Variants in ANKRD6 observed in about 807,000 individuals in gnomAD.
ANKRD6 encodes the protein ankyrin repeat domain 6.
Under a neutral mutation model 82.3 loss-of-function variants are expected in ANKRD6, and 56 were observed. The observed-to-expected ratio is 0.68, with a 90% confidence interval of 0.55 to 0.85. The LOEUF (loss-of-function observed/expected upper bound fraction) is 0.85, where lower values mean the gene tolerates loss of function less well. Ranked by LOEUF, ANKRD6 falls within the 40% of genes least tolerant of loss-of-function variation. The pLI, the probability that ANKRD6 is intolerant of heterozygous loss-of-function variation, is 0.00. For synonymous variants in ANKRD6, 347 were observed against 352.1 expected (o/e 0.99, Z 0.16); for missense variants, 852 against 907.6 (o/e 0.94, Z 0.79).
intron 1 of ANKRD6, among the ~76,000 whole-genome samples, chr6:89,453,265 C>G (rs1773072497): frequency 6.6e-6 from 1 of 152,148 alleles, no homozygotes; most frequent in Non-Finnish European, 1.5e-5. Context: ...GTTCTGGAAC[C>G]TTTTAAAATT....
chr6:89,576,153 T>G (rs1374663356), intron 2 of ANKRD6, among the ~76,000 whole-genome samples: 1 of 151,926 alleles, frequency 6.6e-6, no homozygotes, highest in Admixed American at 6.6e-5. Context: ...CTGGGTTCAC[T>G]CCATTCTCCT....
rs186641912 is a variant in ANKRD6, at chr6:89,577,691, C to T, written c.120+10595C>T. On this transcript the variant is annotated intron_variant, in intron 2 of 15. Coordinates refer to ENST00000339746, the MANE Select transcript of ANKRD6 (RefSeq NM_001242809.2). ...AATTAGCTGGGCATGGTGATGCACA[C>T]CTATAGTCCTAGCTACATAGGAGGC... Among the ~76,000 whole-genome samples, 251 of 152,262 alleles carry T rather than the reference C, an allele frequency of 1.6e-3. 1 individual carries two copies. The highest frequency in any genetic ancestry group is 5.8e-3 in the African/African-American group (241 of 41,552).
intron 2 of ANKRD6, among the ~76,000 whole-genome samples, chr6:89,573,084 C>G (rs1246090031): frequency 6.6e-6 from 1 of 152,098 alleles, no homozygotes; most frequent in Non-Finnish European, 1.5e-5. Flanking sequence ...CCTCAGCCTC[C>G]TGAGTAGCTG....
At position 89,446,585 on chromosome 6, in the gene ANKRD6, A is replaced by T. The variant is rs572902239; in HGVS notation, c.-144+13210A>T. Among the ~76,000 whole-genome samples the T allele has an allele frequency of 3.3e-4, 50 of 152,140 alleles. No homozygotes were observed. The South Asian group carries it at 0.01, about 31-fold the overall frequency. ...AAAGGAAAAATTCTTGAAAGAAATT[A>T]AAAGTGCTACTCTAGGGCTGGGTGC... On this transcript the variant is annotated intron_variant, in intron 1 of 15. Coordinates refer to ENST00000339746, the MANE Select transcript of ANKRD6 (RefSeq NM_001242809.2).
chr6:89,517,498 A>G (rs1781370455), intron 1 of ANKRD6, among the ~76,000 whole-genome samples: 1 of 152,214 alleles, frequency 6.6e-6, no homozygotes, highest in Non-Finnish European at 1.5e-5. Context: ...TGTGCCCATT[A>G]TTAGTTTTCC....
chr6:89,524,078 A>G (rs1459943505), intron 1 of ANKRD6, among the ~76,000 whole-genome samples: 1 of 152,156 alleles, frequency 6.6e-6, no homozygotes, highest in Admixed American at 6.6e-5. Flanking sequence ...GCAGGAAAGG[A>G]AAGGGCCATC....
At chr6:89,544,158 A>G (rs1447382624) in intron 1 of ANKRD6, among the ~76,000 whole-genome samples, 2 of 152,168 alleles carry the variant, frequency 1.3e-5, no homozygotes, top group African/African-American at 4.8e-5. Flanking sequence ...GATCCACACT[A>G]CATGCCCACT....
chr6:89,553,734 C>T (rs957561940), intron 1 of ANKRD6, among the ~76,000 whole-genome samples: 3 of 152,124 alleles, frequency 2.0e-5, no homozygotes, highest in Non-Finnish European at 4.4e-5. Context: ...CTCGTCTCGC[C>T]CTCACCAGCA....
At chr6:89,453,656 TGCAACCTTTGCCTCCCA>T (rs1773139893) in intron 1 of ANKRD6, among the ~76,000 whole-genome samples, 1 of 152,148 alleles carries the variant, frequency 6.6e-6, no homozygotes, top group Non-Finnish European at 1.5e-5. Flanking sequence ...CTTGGCTCAC[TGCAACCTTTGCCTCCCA>T]GGTTCAAGCT....
Position 89,624,060 on chromosome 6 carries a change from AC to A in ANKRD6, c.1218+5del. ...GCAAGGATGGGAAAGTGATGCAGGTACCTGCAAAGCAGTGTCAGGAGAAGGG... is the reference window on the plus strand; with the variant it reads ...GCAAGGATGGGAAAGTGATGCAGGTACTGCAAAGCAGTGTCAGGAGAAGGG... On this transcript the variant is annotated splice_donor_region_variant and intron_variant, in intron 12 of 15. Coordinates refer to ENST00000339746, the MANE Select transcript of ANKRD6 (RefSeq NM_001242809.2). 1 of 1,607,680 alleles carries A rather than the reference AC, an allele frequency of 6.2e-7. No homozygotes were observed.
At chr6:89,436,850 T>C (rs2127923559) in intron 1 of ANKRD6, among the ~76,000 whole-genome samples, 1 of 152,356 alleles carries the variant, frequency 6.6e-6, no homozygotes, top group Non-Finnish European at 1.5e-5. Context: ...ACATTATCTC[T>C]ATTTCCCAGC....
intron 1 of ANKRD6, among the ~76,000 whole-genome samples, chr6:89,475,120 C>T (rs1775890065): frequency 6.6e-6 from 1 of 152,050 alleles, no homozygotes; most frequent in South Asian, 2.1e-4. Flanking sequence ...TAAAGAGGCT[C>T]AATATATAAT....
intron 2 of ANKRD6, among the ~76,000 whole-genome samples, chr6:89,573,168 G>T (rs1269608111): frequency 6.6e-6 from 1 of 152,136 alleles, no homozygotes; most frequent in Non-Finnish European, 1.5e-5. Flanking sequence ...TACTGCCTCA[G>T]CCTCCCAAAT....
chr6:89,627,309 G>C (rs559059812), intron 13 of ANKRD6, among the ~76,000 whole-genome samples: 30 of 152,298 alleles, frequency 2.0e-4, no homozygotes, highest in African/African-American at 7.2e-4. Flanking sequence ...GGAGTATGGC[G>C]CACCACGCCT....
intron 1 of ANKRD6, among the ~76,000 whole-genome samples, chr6:89,451,173 G>C (rs192775376): frequency 1.5e-3 from 229 of 152,270 alleles, no homozygotes; most frequent in African/African-American, 5.3e-3. Context: ...GTAGGGCATG[G>C]TGGCGTGTGC....
chr6:89,555,496 TG>T (rs1403889593), intron 1 of ANKRD6, among the ~76,000 whole-genome samples: 2 of 152,100 alleles, frequency 1.3e-5, no homozygotes, highest in Admixed American at 1.3e-4. Context: ...GTAGCAGACC[TG>T]GGATTTGAGC....
intron 1 of ANKRD6, among the ~76,000 whole-genome samples, chr6:89,439,313 T>C (rs1771059739): frequency 1.3e-5 from 2 of 152,146 alleles, no homozygotes; most frequent in Admixed American, 1.3e-4. Context: ...CTGCTGGCAA[T>C]AGGCTAGGTA....
intron 2 of ANKRD6, among the ~76,000 whole-genome samples, chr6:89,583,413 G>A (rs1226588017): frequency 6.6e-6 from 1 of 152,212 alleles, no homozygotes; most frequent in Non-Finnish European, 1.5e-5. Flanking sequence ...AAAATTATGG[G>A]ATCAATAATA....
intron 2 of ANKRD6, among the ~76,000 whole-genome samples, chr6:89,571,011 T>C (rs1357876090): frequency 3.3e-5 from 5 of 152,194 alleles, no homozygotes; most frequent in African/African-American, 7.2e-5. Flanking sequence ...GCACAAGGGT[T>C]CCCACTTTTC....
Sources: gnomAD v4.1 joint callset for allele counts (sites outside exome capture counted in the v4.1 genomes callset) on GRCh38, gnomAD v4.1.1 for gene constraint, MANE v1.5 for transcripts, NCBI Gene and HGNC (gene_info 2026-07-23, HGNC 2026-07-21) for gene names.